The following CPEB3 variants were observed in gnomAD, a reference collection of about 807,000 sequenced individuals.
The protein encoded by CPEB3 is cytoplasmic polyadenylation element-binding protein 3.
Under a neutral mutation model 67.2 loss-of-function variants are expected in CPEB3, and 20 were observed. That is an observed-to-expected ratio of 0.30 (90% CI 0.21 to 0.43). The LOEUF (loss-of-function observed/expected upper bound fraction) is 0.43. Among genes scored for constraint, CPEB3 ranks in the 20% least tolerant of loss-of-function variants. The pLI, the probability that CPEB3 is intolerant of heterozygous loss-of-function variation, is 1.00. For missense variants in CPEB3, 746 were observed against 968.6 expected (o/e 0.77, Z 3.05); for synonymous variants, 376 against 393.1 (o/e 0.96, Z 0.51).
chr10:92,222,548 AAG>A (rs1419012187), intron 2 of CPEB3, among the ~76,000 whole-genome samples: 8 of 152,168 alleles, frequency 5.3e-5, no homozygotes, highest in Non-Finnish European at 7.4e-5. Flanking sequence ...AAGAGGGAAA[AAG>A]AGAAATTTTA....
intron 2 of CPEB3, among the ~76,000 whole-genome samples, chr10:92,222,761 C>T (rs1031818996): frequency 2.6e-5 from 4 of 152,254 alleles, no homozygotes; most frequent in Non-Finnish European, 4.4e-5. Context: ...TCTGATGGCT[C>T]CTGTACCCTT....
At chr10:92,170,685 G>C (rs1847959834) in intron 4 of CPEB3, among the ~76,000 whole-genome samples, 1 of 152,092 alleles carries the variant, frequency 6.6e-6, no homozygotes, top group Non-Finnish European at 1.5e-5. Flanking sequence ...GAGGGAGAGA[G>C]GAAGAAAGAG....
At chr10:92,216,565 C>A in intron 2 of CPEB3, 1 of 1,612,272 alleles carries the variant, frequency 6.2e-7, no homozygotes, top group East Asian at 2.2e-5. Flanking sequence ...AAAAAGGGAT[C>A]ATGGTTTTGG....
chr10:92,250,932 C>A (rs747095803), intron 1 of CPEB3, among the ~76,000 whole-genome samples: 2 of 122,850 alleles, frequency 1.6e-5, no homozygotes, highest in Non-Finnish European at 3.2e-5. Flanking sequence ...GGGAAACTTT[C>A]GTTGCCCAGG....
chr10:92,062,771 A>T (rs892906596), intron 9 of CPEB3, among the ~76,000 whole-genome samples: 5 of 152,246 alleles, frequency 3.3e-5, no homozygotes, highest in African/African-American at 1.2e-4. Context: ...TCATTAACCT[A>T]TGATACTTTG....
intron 8 of CPEB3, among the ~76,000 whole-genome samples, chr10:92,083,351 G>A (rs530910984): frequency 2.6e-5 from 4 of 152,320 alleles, no homozygotes; most frequent in African/African-American, 4.8e-5. Flanking sequence ...AGAATTGTCC[G>A]TTAAAGCCAA....
chr10:92,080,581 G>A (rs1190623977), intron 9 of CPEB3, among the ~76,000 whole-genome samples: 3 of 152,002 alleles, frequency 2.0e-5, no homozygotes, highest in Admixed American at 2.0e-4. Context: ...TTGCCACAAT[G>A]TATGATCTTG....
At chr10:92,122,306 C>T (rs889470789) in intron 6 of CPEB3, among the ~76,000 whole-genome samples, 5 of 152,192 alleles carry the variant, frequency 3.3e-5, no homozygotes, top group South Asian at 2.1e-4. Context: ...GCACAGGCCA[C>T]GGCATGGAAA....
At chr10:92,209,697 T>C (rs570730521) in intron 2 of CPEB3, among the ~76,000 whole-genome samples, 4 of 151,422 alleles carry the variant, frequency 2.6e-5, no homozygotes, top group African/African-American at 9.7e-5. Flanking sequence ...TCCCAGCACT[T>C]TGGGAGGCAG....
At chr10:92,124,435 TCAAAA>T (rs1265830068) in intron 6 of CPEB3, among the ~76,000 whole-genome samples, 1 of 152,006 alleles carries the variant, frequency 6.6e-6, no homozygotes, top group Admixed American at 6.6e-5. Context: ...ACTCCATCTG[TCAAAA>T]CAGAACAAAA....
chr10:92,198,463 C>T (rs781533489), intron 2 of CPEB3, among the ~76,000 whole-genome samples: 11 of 152,154 alleles, frequency 7.2e-5, no homozygotes, highest in South Asian at 6.2e-4. Context: ...ATCCCAGGTC[C>T]GCCTCTAACA....
At chr10:92,068,683 C>T (rs1842644961) in intron 9 of CPEB3, among the ~76,000 whole-genome samples, 1 of 152,020 alleles carries the variant, frequency 6.6e-6, no homozygotes, top group African/African-American at 2.4e-5. Flanking sequence ...TAAAAATGAT[C>T]ACAAGTCCAA....
intron 7 of CPEB3, among the ~76,000 whole-genome samples, chr10:92,100,741 G>A (rs978416144): frequency 1.3e-5 from 2 of 152,036 alleles, no homozygotes; most frequent in South Asian, 2.1e-4. Context: ...ACAGGTGCCC[G>A]CCACCACGCC....
chr10:92,154,993 G>A (rs1847136801), intron 4 of CPEB3, among the ~76,000 whole-genome samples: 1 of 152,180 alleles, frequency 6.6e-6, no homozygotes, highest in Non-Finnish European at 1.5e-5. Flanking sequence ...CAGATGGCTT[G>A]AGGCCAGGAG....
Position 92,052,133 on chromosome 10 carries a change from CTG to C in CPEB3, c.*77_*78del. ...AACGAATGCACAGATTTCCAGAACA[CTG>C]TAAGCCCTGAGGCAGTGCCCTCTCT... On this transcript the variant is annotated 3_prime_UTR_variant, in exon 10 of 10. Transcript: ENST00000265997. The C allele has an allele frequency of 1.1e-6, 1 of 898,218 alleles. No homozygotes were observed. The highest frequency in any genetic ancestry group is 1.8e-6 in the Non-Finnish European group (1 of 558,832). The allele number at this position is 898,218 out of a possible 1,614,324, so 55.6% of individuals were successfully genotyped here.
chr10:92,101,282 T>C (rs997373763), intron 7 of CPEB3, among the ~76,000 whole-genome samples: 2 of 152,160 alleles, frequency 1.3e-5, no homozygotes, highest in African/African-American at 2.4e-5. Flanking sequence ...ATTTCTTTTT[T>C]CCTTTTCCTC....
At chr10:92,183,804 A>G (rs970046426) in intron 3 of CPEB3, among the ~76,000 whole-genome samples, 1 of 152,210 alleles carries the variant, frequency 6.6e-6, no homozygotes, top group Non-Finnish European at 1.5e-5. Context: ...TAGAATAATA[A>G]TAAAGGGTTA....
At chr10:92,208,823 G>A (rs1448019779) in intron 2 of CPEB3, among the ~76,000 whole-genome samples, 1 of 152,014 alleles carries the variant, frequency 6.6e-6, no homozygotes, top group African/African-American at 2.4e-5. Context: ...TCGAACTCCT[G>A]ACCCCAAATG....
At chr10:92,241,844 A>G (rs1372046283) in intron 1 of CPEB3, among the ~76,000 whole-genome samples, 1 of 152,248 alleles carries the variant, frequency 6.6e-6, no homozygotes, top group Non-Finnish European at 1.5e-5. Context: ...GACCAAACAT[A>G]TAATTATTTT....
Sources: gnomAD v4.1 joint callset for allele counts (sites outside exome capture counted in the v4.1 genomes callset) on GRCh38, gnomAD v4.1.1 for gene constraint, MANE v1.5 for transcripts, NCBI Gene and HGNC (gene_info 2026-07-23, HGNC 2026-07-21) for gene names.